ARMC2: variants seen among roughly 807,000 people sequenced by gnomAD.
ARMC2 encodes the protein armadillo repeat-containing protein 2.
Under a neutral mutation model 90.3 loss-of-function variants are expected in ARMC2, and 67 were observed. The observed-to-expected ratio is 0.74, with a 90% CI of 0.61 to 0.91. ARMC2 has a LOEUF of 0.91. ARMC2 is among the 40% of genes least tolerant of loss of function. The probability of loss-of-function intolerance (pLI) is 0.00; values close to 1 mark genes in which losing one functional copy is unlikely to be tolerated. For synonymous variants in ARMC2, 393 were observed against 393.0 expected, an observed-to-expected ratio of 1.00 and a Z score of 0.00; for missense variants, 920 against 1,030.9, an observed-to-expected ratio of 0.89 and a Z score of 1.47.
At chr6:108,865,590 A>G (rs894327796) in intron 3 of ARMC2, among the ~76,000 whole-genome samples, 1 of 152,222 alleles carries the variant, frequency 6.6e-6, no homozygotes, top group Non-Finnish European at 1.5e-5. Context: ...TATTATATAC[A>G]GTTACTAATT....
At chr6:108,999,012 G>T in the ARMC2 span, 1 of 275,388 alleles carries the variant, frequency 3.6e-6, no homozygotes, top group Non-Finnish European at 6.8e-6. Context: ...GTAAGAGAAT[G>T]CATTTTGCTT....
At chr6:108,916,837 G>A (rs540942708) in intron 10 of ARMC2, among the ~76,000 whole-genome samples, 1 of 152,238 alleles carries the variant, frequency 6.6e-6, no homozygotes, top group African/African-American at 2.4e-5. Flanking sequence ...GTCTGTTTTG[G>A]TCTCTGTTGT....
At chr6:108,966,844 CT>C (rs1404047748) in intron 17 of ARMC2, among the ~76,000 whole-genome samples, 2 of 152,180 alleles carry the variant, frequency 1.3e-5, no homozygotes, top group Non-Finnish European at 2.9e-5. Flanking sequence ...TGGGATGAGG[CT>C]GAGAATCTGT....
At chr6:108,955,927 G>A (rs1179972021) in intron 13 of ARMC2, among the ~76,000 whole-genome samples, 1 of 151,952 alleles carries the variant, frequency 6.6e-6, no homozygotes, top group African/African-American at 2.4e-5. Flanking sequence ...TACCCTTTTT[G>A]GTTTCTGGCC....
chr6:109,021,436 A>G, the ARMC2 span, among the ~76,000 whole-genome samples: 1 of 152,042 alleles, frequency 6.6e-6, no homozygotes, highest in Non-Finnish European at 1.5e-5. Context: ...GGTTTTATTT[A>G]TCAGTCATAT....
At chr6:108,896,024 A>G (rs970867373) in intron 6 of ARMC2, among the ~76,000 whole-genome samples, 5 of 152,232 alleles carry the variant, frequency 3.3e-5, no homozygotes, top group Admixed American at 6.5e-5. Flanking sequence ...TAAATAGTAG[A>G]TTTTAAAAAT....
chr6:108,992,076 T>C, the ARMC2 span, among the ~76,000 whole-genome samples: 4 of 152,136 alleles, frequency 2.6e-5, no homozygotes, highest in African/African-American at 9.7e-5. Context: ...TAACTCTTCC[T>C]TGTGCCTAAA....
intron 8 of ARMC2, among the ~76,000 whole-genome samples, chr6:108,909,618 C>G (rs1361772245): frequency 6.6e-6 from 1 of 152,144 alleles, no homozygotes; most frequent in Non-Finnish European, 1.5e-5. Context: ...TCACTGCAAC[C>G]TCCGCCTCCC....
the ARMC2 span, among the ~76,000 whole-genome samples, chr6:109,004,345 CAG>C: frequency 6.6e-6 from 1 of 151,508 alleles, no homozygotes; most frequent in African/African-American, 2.4e-5. Flanking sequence ...CAAAAGTAAA[CAG>C]AAAGCTAGGA....
chr6:109,009,573 C>G, the ARMC2 span: 2 of 1,101,790 alleles, frequency 1.8e-6, no homozygotes, highest in African/African-American at 1.7e-5. Context: ...CGGGGCGGCG[C>G]CGACAAACAA....
the ARMC2 span, chr6:109,009,027 G>A: frequency 9.9e-7 from 1 of 1,009,960 alleles, no homozygotes; most frequent in Non-Finnish European, 1.2e-6. Context: ...CTGACTTGTG[G>A]AGACTTGTCC....
intron 5 of ARMC2, among the ~76,000 whole-genome samples, chr6:108,893,419 G>T (rs1771289896): frequency 6.6e-6 from 1 of 152,108 alleles, no homozygotes. Context: ...GTGTGACCTT[G>T]GGCACATCTG....
rs1583076344 is a variant in ARMC2, at chr6:108,908,508, A to G, written c.1024-2391A>G. ...TTTTTAAAGTAACTGAAAACTCATT[A>G]ATAAAATGTGGGAGGCTGAGGTGGG... On this transcript the variant is annotated intron_variant, in intron 8 of 17. Coordinates refer to ENST00000392644, the MANE Select transcript of ARMC2 (RefSeq NM_032131.6). Among the ~76,000 whole-genome samples the G allele has an allele frequency of 3.3e-5, 5 of 152,210 alleles. No homozygotes were observed. The South Asian group carries it at 8.3e-4, about 25-fold the overall frequency.
intron 17 of ARMC2, among the ~76,000 whole-genome samples, chr6:108,970,839 A>G (rs142145217): frequency 6.6e-6 from 1 of 152,206 alleles, no homozygotes; most frequent in African/African-American, 2.4e-5. Flanking sequence ...ATACAACAGA[A>G]TTTTATTTTT....
intron 5 of ARMC2, 124 bp downstream of exon 5, chr6:108,876,474 G>C: frequency 1.1e-6 from 1 of 939,170 alleles, no homozygotes; most frequent in South Asian, 1.6e-5. Context: ...TTATGTTAAG[G>C]GTACATGAAT....
chr6:108,961,775 A>G lies in ARMC2; in HGVS notation c.2038+81A>G, dbSNP rs1350275180. On this transcript the variant is annotated intron_variant, in intron 14 of 17. Transcript: ENST00000392644. ...ATTAACTAAACACAGAGCAGGAGAC[A>G]TTACTATCTTCTGCCTTCTGGTACA... The G allele has an allele frequency of 7.0e-6, 10 of 1,429,116 alleles. No individual in the cohort carries two copies. In the Admixed American group the frequency reaches 1.6e-4, roughly 23 times the overall value. The allele number at this position is 1,429,116 out of a possible 1,614,324, so 88.5% of individuals were successfully genotyped here.
the ARMC2 span, among the ~76,000 whole-genome samples, chr6:109,012,968 T>C: frequency 6.6e-6 from 1 of 151,584 alleles, no homozygotes; most frequent in Non-Finnish European, 1.5e-5. Context: ...ACAAAAAAAT[T>C]AGCTGGGCGT....
In ARMC2 at chr6:108,868,837, C is replaced by T; in HGVS notation, c.305C>T (p.Pro102Leu). The change falls in exon 4 of 18, where the codon CCA becomes CTA. Residue 102 changes from proline to leucine, a missense_variant. Pro to Leu is a moderately conservative substitution (Grantham distance 98). Transcript: ENST00000392644. ...ATCTCTTTCCAGAAACCGAAAGTTC[C>T]AGCATCTCCCACCAGAGAGGAGGAT... is the stretch of plus-strand genomic sequence containing the variant. ...LSPLELKPKV[P>L]ASPTREEDSC... The T allele has an allele frequency of 6.2e-7, 1 of 1,611,044 alleles. No homozygotes were observed. The highest frequency in any genetic ancestry group is 8.5e-7 in the Non-Finnish European group (1 of 1,179,062).
chr6:109,015,053 T>C, the ARMC2 span, among the ~76,000 whole-genome samples: 1 of 152,310 alleles, frequency 6.6e-6, no homozygotes, highest in South Asian at 2.1e-4. Flanking sequence ...GAATGAACTC[T>C]GAAGAGATGT....
Sources: gnomAD v4.1 joint callset for allele counts (sites outside exome capture counted in the v4.1 genomes callset) on GRCh38, gnomAD v4.1.1 for gene constraint, MANE v1.5 for transcripts, NCBI Gene and HGNC (gene_info 2026-07-23, HGNC 2026-07-21) for gene names.